The following PPP3CA variants were observed in gnomAD, a reference collection of about 807,000 sequenced individuals.
PPP3CA encodes the protein CAM-PRP catalytic subunit.
PPP3CA carries 14 observed loss-of-function variants against 66.5 expected under a neutral mutation model. That is an observed-to-expected ratio of 0.21 (90% confidence interval 0.14 to 0.33). The LOEUF is 0.33. PPP3CA is among the 10% of genes least tolerant of loss of function. The probability of loss-of-function intolerance (pLI) is 1.00; values close to 1 mark genes in which losing one functional copy is unlikely to be tolerated. For synonymous variants in PPP3CA, 232 were observed against 226.2 expected (o/e 1.03, Z -0.23); for missense variants, 317 against 639.5 (o/e 0.50, Z 5.44).
chr4:101,296,497 A>G (rs562601225), intron 1 of PPP3CA, among the ~76,000 whole-genome samples: 4 of 152,276 alleles, frequency 2.6e-5, no homozygotes, highest in Non-Finnish European at 4.4e-5. Context: ...ACTACACTCC[A>G]TATTTTGATA....
chr4:101,046,681 T>C (rs1213092540), intron 10 of PPP3CA, among the ~76,000 whole-genome samples: 1 of 152,168 alleles, frequency 6.6e-6, no homozygotes, highest in African/African-American at 2.4e-5. Context: ...ACAAAGTTCA[T>C]TCCTATTCTA....
rs150423845 is a variant in PPP3CA at position 101,026,045 on chromosome 4, T to C, written c.1386A>G (p.Ser462=). The C allele has an allele frequency of 3.1e-4, 491 of 1,593,524 alleles. 7 individuals are homozygous for C. The African/African-American group carries it at 5.8e-3, about 19-fold the overall frequency. The part of the protein sequence containing the change: ...IEADEAIKGF[S]PQHKITSFEE... The stretch of plus-strand genomic sequence containing the variant: ...CGAAGCTAGTGATCTTATGTTGTGG[T>C]GAAAATCCTTTGATAGCTAAACAGA... The change falls in exon 14 of 14, where the codon TCA becomes TCG. Residue 462 remains serine, a synonymous_variant. Transcript: ENST00000394854.
chr4:101,084,097 T>C (rs928743658), intron 6 of PPP3CA, among the ~76,000 whole-genome samples: 4 of 152,172 alleles, frequency 2.6e-5, no homozygotes, highest in African/African-American at 9.7e-5. Context: ...ATGAAACAAA[T>C]GTGTATTATA....
intron 1 of PPP3CA, among the ~76,000 whole-genome samples, chr4:101,314,569 CAA>C (rs748980814): frequency 3.3e-4 from 25 of 75,250 alleles, no homozygotes; most frequent in Non-Finnish European, 5.5e-4. Context: ...ATCTCAAAAC[CAA>C]AAAAAAAAAA....
At chr4:101,061,016 T>C (rs1183283840) in intron 10 of PPP3CA, 71 bp downstream of exon 10, 6 of 1,259,834 alleles carry the variant, frequency 4.8e-6, no homozygotes, top group African/African-American at 1.5e-5. Flanking sequence ...AAATTTATTC[T>C]TAGATTTAGC....
intron 3 of PPP3CA, among the ~76,000 whole-genome samples, chr4:101,101,169 T>C (rs1274525740): frequency 2.0e-5 from 3 of 152,166 alleles, no homozygotes; most frequent in Admixed American, 6.5e-5. Context: ...ATGATATTAA[T>C]ATGTCTGAAA....
intron 1 of PPP3CA, among the ~76,000 whole-genome samples, chr4:101,298,841 CTGTGTGTGTGTGTGTGTG>C (rs57507050): frequency 4.4e-4 from 62 of 139,986 alleles, no homozygotes; most frequent in African/African-American, 1.5e-3. Context: ...CAAGGGTCTA[CTGTGTGTGTGTGTGTGTG>C]TGTGTGTGTG....
At position 101,196,054 on chromosome 4, in the gene PPP3CA, G is replaced by T. The variant is rs756386250; in HGVS notation, c.121C>A (p.Pro41Thr). ...TGCGCCTTTAAGATATCCACACGAG[G>T]TTTTCCATCATTATCAAACACTTCT... Reference protein sequence around the residue: ...AKEVFDNDGKPRVDILKAHLM... With the variant: ...AKEVFDNDGKTRVDILKAHLM... The change falls in exon 2 of 14, where the codon CCT becomes ACT. Residue 41 changes from proline to threonine, a missense_variant. By Grantham distance (38) the Pro-to-Thr change is conservative. Transcript: ENST00000394854. 14 of 1,613,848 alleles carry T rather than the reference G, an allele frequency of 8.7e-6. No individual in the cohort carries two copies. The highest frequency in any genetic ancestry group is 1.0e-5 in the Non-Finnish European group (12 of 1,179,968).
At chr4:101,245,952 C>T (rs1042978451) in intron 1 of PPP3CA, among the ~76,000 whole-genome samples, 2 of 152,070 alleles carry the variant, frequency 1.3e-5, no homozygotes, top group African/African-American at 2.4e-5. Context: ...CCCATTGTCA[C>T]TCATTTCTTT....
intron 10 of PPP3CA, among the ~76,000 whole-genome samples, chr4:101,056,778 C>A (rs1453033223): frequency 6.9e-6 from 1 of 144,034 alleles, no homozygotes; most frequent in Non-Finnish European, 1.5e-5. Context: ...AGGCTGCAGG[C>A]AGGAAGGACA....
intron 2 of PPP3CA, among the ~76,000 whole-genome samples, chr4:101,161,034 T>C (rs1723489644): frequency 6.6e-6 from 1 of 152,140 alleles, no homozygotes; most frequent in Non-Finnish European, 1.5e-5. Context: ...CATAAGATTA[T>C]AACATCATAT....
rs560168985 is a variant in PPP3CA at position 101,281,711 on chromosome 4, T to C, written c.58+65028A>G. On this transcript the variant is annotated intron_variant, in intron 1 of 13. Transcript: ENST00000394854. ...ATCCAACTCAACTAAGTCAATCGAA[T>C]GTAATAAGAAAGTGGTTAAACAGCA... 3.9e-5 allele frequency among the ~76,000 whole-genome samples: 6 copies of C among 152,288 alleles called. No homozygotes were observed. In the South Asian group the frequency reaches 8.3e-4, roughly 21 times the overall value.
chr4:101,160,266 A>G (rs1361921808), intron 2 of PPP3CA, among the ~76,000 whole-genome samples: 1 of 152,088 alleles, frequency 6.6e-6, no homozygotes, highest in Non-Finnish European at 1.5e-5. Context: ...CCCATGGAAA[A>G]TCCATTGACA....
Position 101,227,121 on chromosome 4 carries a change from CAT to C in PPP3CA, c.59-31007_59-31006del, listed in dbSNP as rs1491459493. On this transcript the variant is annotated intron_variant, in intron 1 of 13. Coordinates refer to ENST00000394854, the MANE Select transcript of PPP3CA (RefSeq NM_000944.5). ...TGGTAGGTAGGTGTGTACATACACA[CAT>C]ACATACATACATACATACATACACA... is the stretch of plus-strand genomic sequence containing the variant. 9.7e-3 allele frequency among the ~76,000 whole-genome samples: 171 copies of C among 17,674 alleles called. 1 individual carries two copies. The highest frequency in any genetic ancestry group is 0.075 in the Middle Eastern group (3 of 40). 11.6% of individuals were successfully genotyped at this position (17,674 alleles called of 152,430 possible).
At chr4:101,176,731 A>G (rs1724072321) in intron 2 of PPP3CA, among the ~76,000 whole-genome samples, 1 of 152,142 alleles carries the variant, frequency 6.6e-6, no homozygotes, top group Non-Finnish European at 1.5e-5. Flanking sequence ...AAAATCACAG[A>G]GAACTGTTTA....
intron 2 of PPP3CA, among the ~76,000 whole-genome samples, chr4:101,138,830 A>G (rs1722705346): frequency 6.6e-6 from 1 of 152,180 alleles, no homozygotes; most frequent in South Asian, 2.1e-4. Context: ...ACTTATGACT[A>G]TGATACTACA....
At chr4:101,177,880 C>G (rs1237381942) in intron 2 of PPP3CA, among the ~76,000 whole-genome samples, 1 of 151,270 alleles carries the variant, frequency 6.6e-6, no homozygotes, top group Non-Finnish European at 1.5e-5. Context: ...ATCCAGAGTA[C>G]ACTACTATAT....
At chr4:101,044,913 T>C (rs570483469) in intron 10 of PPP3CA, among the ~76,000 whole-genome samples, 2 of 152,194 alleles carry the variant, frequency 1.3e-5, no homozygotes, top group Non-Finnish European at 2.9e-5. Flanking sequence ...GATTTCAGCC[T>C]TAGAAAGGAA....
intron 6 of PPP3CA, among the ~76,000 whole-genome samples, chr4:101,086,707 G>A (rs1685272025): frequency 6.6e-6 from 1 of 152,096 alleles, no homozygotes; most frequent in South Asian, 2.1e-4. Flanking sequence ...TATCCACTGT[G>A]TTCCTACAAT....
Sources: gnomAD v4.1 joint callset for allele counts (sites outside exome capture counted in the v4.1 genomes callset) on GRCh38, gnomAD v4.1.1 for gene constraint, MANE v1.5 for transcripts, NCBI Gene and HGNC (gene_info 2026-07-23, HGNC 2026-07-21) for gene names.